Variants in PTK2 observed in about 807,000 individuals in gnomAD.
PTK2 encodes focal adhesion kinase 1.
Under a neutral mutation model 150.1 loss-of-function variants are expected in PTK2, and 45 were observed. The ratio of observed to expected loss-of-function variants is 0.30; its 90% CI spans 0.24 to 0.38. The LOEUF is 0.38. Among genes scored for constraint, PTK2 ranks in the 10% least tolerant of loss-of-function variants. PTK2 has a pLI of 1.00. For synonymous variants in PTK2, 432 were observed against 449.2 expected (o/e 0.96, Z 0.48); for missense variants, 919 against 1,307.3 (o/e 0.70, Z 4.58).
chr8:140,890,463 T>C (rs2100153845), intron 3 of PTK2, 80 bp downstream of exon 3: 1 of 1,188,776 alleles, frequency 8.4e-7, no homozygotes, highest in Admixed American at 2.2e-5. Context: ...TAAAAATTAT[T>C]ACACTATCTT....
chr8:140,995,938 A>G (rs1418650016), intron 1 of PTK2, among the ~76,000 whole-genome samples: 1 of 152,222 alleles, frequency 6.6e-6, no homozygotes, highest in African/African-American at 2.4e-5. Flanking sequence ...AAACAGCCTT[A>G]GCCGGGTGCA....
chr8:140,973,001 T>C (rs1226659330), intron 1 of PTK2, among the ~76,000 whole-genome samples: 6 of 152,254 alleles, frequency 3.9e-5, no homozygotes, highest in African/African-American at 1.4e-4. Context: ...ATGTCAAGTA[T>C]GACACACTTC....
chr8:140,741,141 C>T (rs1235526954), intron 20 of PTK2, among the ~76,000 whole-genome samples: 1 of 151,474 alleles, frequency 6.6e-6, no homozygotes, highest in Non-Finnish European at 1.5e-5. Flanking sequence ...GAGACCCTGT[C>T]TTAAAAAATG....
chr8:141,000,087 TCA>T (rs71310820), intron 1 of PTK2, among the ~76,000 whole-genome samples: 2,062 of 81,614 alleles, frequency 0.025, 29 homozygotes, highest in African/African-American at 0.081. Context: ...TGAAACCAAT[TCA>T]CACACACACA....
chr8:140,742,185 C>T (rs994660568), intron 20 of PTK2, among the ~76,000 whole-genome samples: 30 of 152,204 alleles, frequency 2.0e-4, no homozygotes, highest in African/African-American at 7.0e-4. Context: ...ATCCAAGGTG[C>T]TGGAGTTAGC....
At chr8:140,717,642 T>A (rs757773763) in exon 23 of PTK2, 1 of 1,614,132 alleles carries the variant, frequency 6.2e-7, no homozygotes, top group East Asian at 2.2e-5. Flanking sequence ...CAGGACACTG[T>A]GGCCTGTCTT....
chr8:140,957,720 A>G (rs2100181671), intron 1 of PTK2, among the ~76,000 whole-genome samples: 2 of 152,160 alleles, frequency 1.3e-5, no homozygotes, highest in African/African-American at 4.8e-5. Context: ...ATGTTTAGAT[A>G]CACACACACT....
intron 8 of PTK2, chr8:140,821,803 AAGGAT>A (rs2100108773): frequency 6.6e-6 from 1 of 152,256 alleles, no homozygotes; most frequent in Non-Finnish European, 1.5e-5. Context: ...CTGTTTTGAA[AAGGAT>A]TAATTACAGC....
chr8:140,689,702 T>C (rs1039532576), intron 26 of PTK2, among the ~76,000 whole-genome samples: 47 of 152,224 alleles, frequency 3.1e-4, no homozygotes, highest in African/African-American at 1.1e-3. Context: ...TATGTACAAA[T>C]ATGCAAAGCA....
chr8:140,962,087 A>T (rs953988081), intron 1 of PTK2, among the ~76,000 whole-genome samples: 17 of 151,990 alleles, frequency 1.1e-4, no homozygotes, highest in Admixed American at 2.0e-4. Flanking sequence ...TACTAAAAAA[A>T]ATACAAAAAT....
chr8:140,702,146 A>C (rs1193158779), intron 25 of PTK2, among the ~76,000 whole-genome samples: 13 of 150,042 alleles, frequency 8.7e-5, no homozygotes, highest in Admixed American at 8.6e-4. Flanking sequence ...AAAAAAAAAA[A>C]AAAAAAAGTC....
exon 25 of PTK2, chr8:140,702,663 G>A (rs879112023): frequency 2.7e-5 from 44 of 1,613,856 alleles, no homozygotes; most frequent in Non-Finnish European, 5.9e-6. Context: ...GATAGATGCT[G>A]CCAGCCATGG....
At chr8:140,785,490 C>T (rs1302084709) in intron 14 of PTK2, among the ~76,000 whole-genome samples, 1 of 152,116 alleles carries the variant, frequency 6.6e-6, no homozygotes, top group Non-Finnish European at 1.5e-5. Flanking sequence ...GAGGAAGAGT[C>T]CAGATCTTCT....
At chr8:140,699,582 C>T (rs971047976) in intron 26 of PTK2, among the ~76,000 whole-genome samples, 7 of 152,150 alleles carry the variant, frequency 4.6e-5, no homozygotes, top group African/African-American at 1.7e-4. Flanking sequence ...GTCATAAATG[C>T]CAGGAAGGCA....
chr8:140,668,412 C>G, exon 30 of PTK2: 1 of 1,611,402 alleles, frequency 6.2e-7, no homozygotes, highest in Non-Finnish European at 8.5e-7. Context: ...GGGCTGATTT[C>G]CTGGGGCTGA....
chr8:140,838,802 C>G (rs572696176), intron 7 of PTK2, among the ~76,000 whole-genome samples: 1 of 152,012 alleles, frequency 6.6e-6, no homozygotes, highest in Non-Finnish European at 1.5e-5. Flanking sequence ...GTCAGGAGAT[C>G]GAGACCATCC....
chr8:140,675,344 C>A (rs2100013030), intron 28 of PTK2, 116 bp downstream of exon 31: 1 of 1,108,720 alleles, frequency 9.0e-7, no homozygotes, highest in African/African-American at 1.5e-5. Flanking sequence ...TTGCTGTGGT[C>A]TGTAGAGGAA....
intron 14 of PTK2, among the ~76,000 whole-genome samples, chr8:140,778,676 G>C (rs952121329): frequency 5.3e-5 from 8 of 152,240 alleles, no homozygotes; most frequent in Non-Finnish European, 1.2e-4. Context: ...ACTTGGCCAA[G>C]TGAGTTAAAA....
intron 5 of PTK2, among the ~76,000 whole-genome samples, chr8:140,856,505 G>C (rs925889465): frequency 3.3e-5 from 5 of 152,066 alleles, no homozygotes; most frequent in Middle Eastern, 3.2e-3. Flanking sequence ...AAAAACATGA[G>C]AAAAGAAACT....
Sources: allele counts gnomAD v4.1 joint callset (sites outside exome capture counted in the v4.1 genomes callset), GRCh38; gene constraint gnomAD v4.1.1; transcripts MANE v1.5; gene names NCBI Gene and HGNC (gene_info 2026-07-23, HGNC 2026-07-21).